The following EPB41L5 variants were observed in gnomAD, a reference collection of about 807,000 sequenced individuals.
The protein encoded by EPB41L5 is erythrocyte membrane protein band 4.1 like 5.
Under a neutral mutation model 106.6 loss-of-function variants are expected in EPB41L5, and 55 were observed. That is an observed-to-expected ratio of 0.52 (90% confidence interval 0.42 to 0.65). The LOEUF (loss-of-function observed/expected upper bound fraction) is 0.65. EPB41L5 is among the 30% of genes least tolerant of loss of function. The pLI is 0.00. For synonymous variants in EPB41L5, 297 were observed against 306.7 expected, an observed-to-expected ratio of 0.97 and a Z score of 0.33; for missense variants, 871 against 882.1, an observed-to-expected ratio of 0.99 and a Z score of 0.16.
At chr2:120,066,431 A>T (rs1399051247) in intron 3 of EPB41L5, among the ~76,000 whole-genome samples, 2 of 152,208 alleles carry the variant, frequency 1.3e-5, no homozygotes, top group Non-Finnish European at 2.9e-5. Context: ...CAATGTAAGT[A>T]ATTTTTCAAA....
chr2:120,110,195 C>T (rs780511105), intron 16 of EPB41L5, among the ~76,000 whole-genome samples: 3 of 152,306 alleles, frequency 2.0e-5, no homozygotes, highest in Non-Finnish European at 4.4e-5. Context: ...ATTCAGAAAT[C>T]GCTCACTTCA....
chr2:120,150,869 G>C (rs960208658), intron 20 of EPB41L5, among the ~76,000 whole-genome samples: 1 of 151,940 alleles, frequency 6.6e-6, no homozygotes, highest in African/African-American at 2.4e-5. Context: ...TCTTTGTTTT[G>C]ACGAAGTCTA....
chr2:120,133,536 C>T (rs1183701842), intron 18 of EPB41L5, among the ~76,000 whole-genome samples: 3 of 152,180 alleles, frequency 2.0e-5, no homozygotes, highest in Admixed American at 2.0e-4. Flanking sequence ...CACAATTTCG[C>T]TGGTGCCCAC....
In EPB41L5 at chr2:120,091,630, A is replaced by G; in HGVS notation, c.1119A>G (p.Lys373=). The change falls in exon 13 of 25, where the codon AAA becomes AAG. Residue 373 remains lysine (K), a synonymous_variant. Coordinates refer to ENST00000263713, the MANE Select transcript of EPB41L5 (RefSeq NM_020909.4). ...CATCCTTTGAAAGAAGGCCCAGCAA[A>G]CGATATTCTAGACGAACTCTACAAA... ...RSTSFERRPS[K]RYSRRTLQMK... 1 of 1,613,826 alleles carries G rather than the reference A, an allele frequency of 6.2e-7. No homozygotes were observed.
intron 1 of EPB41L5, among the ~76,000 whole-genome samples, chr2:120,015,317 ACT>A (rs1677442367): frequency 6.8e-6 from 1 of 147,646 alleles, no homozygotes; most frequent in East Asian, 2.0e-4. Flanking sequence ...ACAGAGCGAG[ACT>A]CAAAAAAAAA....
chr2:120,120,995 C>A (rs969306047), intron 16 of EPB41L5, among the ~76,000 whole-genome samples: 1 of 152,228 alleles, frequency 6.6e-6, no homozygotes, highest in South Asian at 2.1e-4. Context: ...CCGGCACCTG[C>A]AATCCCAGCC....
At chr2:120,081,723 G>C in intron 10 of EPB41L5, among the ~76,000 whole-genome samples, 1 of 152,128 alleles carries the variant, frequency 6.6e-6, no homozygotes, top group African/African-American at 2.4e-5. Context: ...TCATGATATT[G>C]ATTCTTCCTA....
At chr2:120,025,529 G>C (rs1248185713) in intron 2 of EPB41L5, among the ~76,000 whole-genome samples, 1 of 152,090 alleles carries the variant, frequency 6.6e-6, no homozygotes, top group Non-Finnish European at 1.5e-5. Flanking sequence ...TCTTGTAATT[G>C]GGGCATTTAG....
intron 16 of EPB41L5, among the ~76,000 whole-genome samples, chr2:120,113,490 T>TAAG (rs1159574799): frequency 6.6e-6 from 1 of 152,238 alleles, no homozygotes. Context: ...GGATATGAAC[T>TAAG]AAGACATTAC....
intron 22 of EPB41L5, among the ~76,000 whole-genome samples, chr2:120,165,258 A>G (rs866566773): frequency 6.6e-6 from 1 of 152,240 alleles, no homozygotes; most frequent in Non-Finnish European, 1.5e-5. Flanking sequence ...CATTGAACAT[A>G]TCAATCATTA....
At chr2:120,171,299 C>A (rs978263441) in intron 24 of EPB41L5, among the ~76,000 whole-genome samples, 7 of 152,146 alleles carry the variant, frequency 4.6e-5, no homozygotes, top group African/African-American at 1.7e-4. Flanking sequence ...GAAAAGGCAA[C>A]GAAATTGTAG....
At chr2:120,154,930 CAAAA>C (rs200194019) in intron 20 of EPB41L5, among the ~76,000 whole-genome samples, 1 of 147,222 alleles carries the variant, frequency 6.8e-6, no homozygotes, top group Non-Finnish European at 1.5e-5. Flanking sequence ...CATATCAAAA[CAAAA>C]AAAAAATTGC....
At chr2:120,071,143 C>T (rs1244618032) in intron 3 of EPB41L5, among the ~76,000 whole-genome samples, 1 of 152,214 alleles carries the variant, frequency 6.6e-6, no homozygotes, top group Admixed American at 6.5e-5. Context: ...AGCAAAGTCT[C>T]AGGATACAAA....
intron 10 of EPB41L5, among the ~76,000 whole-genome samples, chr2:120,085,953 A>C (rs1243901261): frequency 6.6e-6 from 1 of 152,198 alleles, no homozygotes; most frequent in Non-Finnish European, 1.5e-5. Flanking sequence ...TCACTCCTGT[A>C]ATCCCCACCA....
chr2:120,048,954 G>A (rs1680021600), intron 3 of EPB41L5, among the ~76,000 whole-genome samples: 1 of 152,184 alleles, frequency 6.6e-6, no homozygotes. Context: ...AGGTTGTTCA[G>A]TTTCTATGTA....
rs187261275 is a variant in EPB41L5 at position 120,114,453 on chromosome 2, T to C, written c.1338-13235T>C. ...ATGATTTTGTCAAACTGCAGGCTAATGTAAGTGTTCTGAGCACAGTTAATG... is the reference window on the plus strand; with the variant it reads ...ATGATTTTGTCAAACTGCAGGCTAACGTAAGTGTTCTGAGCACAGTTAATG... On this transcript the variant is annotated intron_variant, in intron 16 of 24. Transcript: ENST00000263713. 2.0e-5 allele frequency among the ~76,000 whole-genome samples: 3 copies of C among 152,330 alleles called. No homozygotes were observed. In the East Asian group the frequency reaches 5.8e-4, roughly 29 times the overall value.
chr2:120,119,999 T>C (rs78271517), intron 16 of EPB41L5, among the ~76,000 whole-genome samples: 16,198 of 152,234 alleles, frequency 0.11, 1,239 homozygotes, highest in South Asian at 0.25. Flanking sequence ...ATTTTTCCTC[T>C]AAGATTCCAT....
intron 20 of EPB41L5, among the ~76,000 whole-genome samples, chr2:120,156,015 G>C (rs1217576962): frequency 6.6e-6 from 1 of 152,150 alleles, no homozygotes; most frequent in Non-Finnish European, 1.5e-5. Flanking sequence ...TTAGAGAAGT[G>C]GTGGGGCAGC....
At chr2:120,031,065 C>T (rs1678673924) in intron 2 of EPB41L5, among the ~76,000 whole-genome samples, 1 of 152,080 alleles carries the variant, frequency 6.6e-6, no homozygotes, top group Non-Finnish European at 1.5e-5. Flanking sequence ...GACAGGGTTT[C>T]ACTATGTTGG....
Sources: gnomAD v4.1 joint callset for allele counts (sites outside exome capture counted in the v4.1 genomes callset) on GRCh38, gnomAD v4.1.1 for gene constraint, MANE v1.5 for transcripts, NCBI Gene and HGNC (gene_info 2026-07-23, HGNC 2026-07-21) for gene names.